Variants in ZMYND8 observed in about 807,000 individuals in gnomAD.
ZMYND8 encodes MYND-type zinc finger-containing chromatin reader ZMYND8.
Under a neutral mutation model 140.8 loss-of-function variants are expected in ZMYND8, and 37 were observed. That is an observed-to-expected ratio of 0.26 (90% confidence interval 0.20 to 0.35). The LOEUF (loss-of-function observed/expected upper bound fraction) is 0.35, where lower values mean the gene tolerates loss of function less well. ZMYND8 is among the 10% of genes least tolerant of loss of function. The pLI is 1.00. For missense variants in ZMYND8, 1,068 were observed against 1,570.0 expected (o/e 0.68, Z 5.40); for synonymous variants, 592 against 597.1 (o/e 0.99, Z 0.12).
At chr20:47,212,918 C>A (rs780008062) in intron 21 of ZMYND8, among the ~76,000 whole-genome samples, 193 bp from the exon 22 acceptor site, 2 of 152,100 alleles carry the variant, frequency 1.3e-5, no homozygotes, top group Non-Finnish European at 2.9e-5. Context: ...CATATCAAAC[C>A]ACAAACAGCA....
chr20:47,218,673 C>T (rs756869631), intron 21 of ZMYND8, among the ~76,000 whole-genome samples: 1 of 152,252 alleles, frequency 6.6e-6, no homozygotes, highest in East Asian at 1.9e-4. Context: ...CATCTTAGCA[C>T]TAAACTGAGC....
rs548055571 is a variant in ZMYND8, at chr20:47,276,896, G to T, written c.999-101C>A. ...CAAATTAGCCAAGCATGTTTGCCAA[G>T]ATTCTTATTCTATTAAAAAAAAAAA... On this transcript the variant is annotated intron_variant, in intron 10 of 22. Transcript: ENST00000471951. The T allele has an allele frequency of 1.5e-3, 1,037 of 689,154 alleles. 4 individuals carry two copies. The South Asian group carries it at 0.015, about 10-fold the overall frequency. 42.7% of individuals were successfully genotyped at this position (689,154 alleles called of 1,614,324 possible). A position where few individuals can be genotyped will look rare whatever the true frequency, so the allele number is the denominator to read the frequency against.
chr20:47,251,583 C>CA (rs570727691), intron 12 of ZMYND8, among the ~76,000 whole-genome samples: 125 of 131,764 alleles, frequency 9.5e-4, no homozygotes, highest in East Asian at 3.2e-3. Flanking sequence ...ATCCTGTCTC[C>CA]AAAAAAAAAA....
rs2147988510 is a variant in ZMYND8 at position 47,292,670 on chromosome 20, C to A, written c.568-782G>T. On this transcript the variant is annotated intron_variant, in intron 5 of 22. Transcript: ENST00000471951. ...CAAGAATCTACATTTCTGTACAGTA[C>A]TCTCAGGAGTTGTACAAAGGGTCAC... Among the ~76,000 whole-genome samples, 4 of 152,108 alleles carry A rather than the reference C, an allele frequency of 2.6e-5. No individual in the cohort carries two copies. In the South Asian group the frequency reaches 8.3e-4, roughly 32 times the overall value.
chr20:47,241,617 G>A (rs2039980641), intron 14 of ZMYND8, among the ~76,000 whole-genome samples: 4 of 152,032 alleles, frequency 2.6e-5, no homozygotes, highest in Admixed American at 6.6e-5. Context: ...TAGAGGCGAT[G>A]ACCACACGGG....
chr20:47,246,630 A>G (rs1429415450), intron 13 of ZMYND8, 113 bp from the exon 14 acceptor site: 1 of 1,411,984 alleles, frequency 7.1e-7, no homozygotes, highest in East Asian at 2.4e-5. Flanking sequence ...CACGTTTCAA[A>G]TCGCATCACA....
chr20:47,342,741 T>C (rs1200873878), intron 2 of ZMYND8, among the ~76,000 whole-genome samples: 1 of 148,754 alleles, frequency 6.7e-6, no homozygotes. Context: ...CCAGCTACTA[T>C]GGAGGCTGGA....
intron 21 of ZMYND8, among the ~76,000 whole-genome samples, chr20:47,214,345 C>T (rs1031894765): frequency 1.3e-5 from 2 of 152,216 alleles, no homozygotes; most frequent in African/African-American, 4.8e-5. Flanking sequence ...TCTGCGGCCT[C>T]CCTGCAGCTT....
intron 12 of ZMYND8, among the ~76,000 whole-genome samples, chr20:47,261,592 C>T (rs12185781): frequency 0.01 from 847 of 82,114 alleles, 12 homozygotes; most frequent in African/African-American, 0.029. Context: ...TCATCATCAT[C>T]ATCCAGGGAA....
chr20:47,216,164 G>A (rs140757870), intron 21 of ZMYND8, among the ~76,000 whole-genome samples: 71 of 152,196 alleles, frequency 4.7e-4, no homozygotes, highest in African/African-American at 1.5e-3. Flanking sequence ...CATCATGGAC[G>A]ATGGAATCCT....
chr20:47,221,399 G>C lies in ZMYND8; in HGVS notation c.3332C>G (p.Ser1111Trp). The change falls in exon 20 of 23, where the codon TCG becomes TGG. Residue 1111 changes from serine (S) to tryptophan (W), a missense_variant. By Grantham distance (177) the Ser-to-Trp change is radical (BLOSUM62 -3). Around this residue, in one of 10 missense-constraint regions of ZMYND8, gnomAD observed 180 missense variants for 187.8 expected, o/e 0.96. Coordinates refer to ENST00000471951, the MANE Select transcript of ZMYND8 (RefSeq NM_001281775.3). ...TTCTGAAGGTGCTGATTGTGTGCTC[G>C]AGGAGCTCCCCTGGGAGGACTTATT... The part of the protein sequence containing the change: ...TLNKSSQGSS[S>W]STQSAPSETA... 1 of 1,614,158 alleles carries C rather than the reference G, an allele frequency of 6.2e-7. No homozygotes were observed. Among genetic ancestry groups the C allele is most frequent in the Non-Finnish European group, 8.5e-7 (1 of 1,180,034 alleles).
rs992931671 is a variant in ZMYND8, at chr20:47,221,427, G to C, written c.3304C>G (p.Leu1102Val). The change falls in exon 20 of 23, where the codon CTA becomes GTA. Residue 1102 changes from leucine to valine, a missense_variant. This residue lies in a region of ZMYND8 where 180 missense variants were observed against 187.8 expected (regional missense o/e 0.96). Transcript: ENST00000471951. The stretch of plus-strand genomic sequence containing the variant: ...GAGCTCCCCTGGGAGGACTTATTTA[G>C]TGTTTCTGTGTTCACCTCAGCATCC... ...EADAEVNTET[L>V]NKSSQGSSSS... 3.1e-6 allele frequency: 5 copies of C among 1,614,088 alleles called. No homozygotes were observed. Among genetic ancestry groups the C allele is most frequent in the Non-Finnish European group, 4.2e-6 (5 of 1,180,050 alleles).
chr20:47,248,584 C>T (rs1214517034), intron 13 of ZMYND8, among the ~76,000 whole-genome samples: 1 of 152,246 alleles, frequency 6.6e-6, no homozygotes, highest in East Asian at 1.9e-4. Context: ...GAGCATCTAC[C>T]ATGTGCACAG....
chr20:47,354,930 A>G (rs2083095750), intron 1 of ZMYND8, among the ~76,000 whole-genome samples: 2 of 152,168 alleles, frequency 1.3e-5, no homozygotes, highest in African/African-American at 4.8e-5. Context: ...AAAAAGGCCA[A>G]AATGTGTTGG....
At chr20:47,230,806 A>G (rs558466144) in intron 16 of ZMYND8, among the ~76,000 whole-genome samples, 34 of 152,094 alleles carry the variant, frequency 2.2e-4, no homozygotes, top group African/African-American at 8.0e-4. Flanking sequence ...CCAAAAAGAA[A>G]ATCCCACTCC....
chr20:47,310,140 A>G lies in ZMYND8; in HGVS notation c.150T>C (p.Asn50=), dbSNP rs568968255. 2 of 1,613,736 alleles carry G rather than the reference A, an allele frequency of 1.2e-6. No individual in the cohort carries two copies. The highest frequency in any genetic ancestry group is 3.3e-5 in the Admixed American group (2 of 59,924). The part of the protein sequence containing the change: ...RKFPSPPHSS[N]GHSPQDTSTS... ...TTGATGTGTCCTGCGGCGAGTGGCC[A>G]TTGGAAGAATGTGGAGGGCTGGGGA... Residue 50 remains asparagine, a synonymous_variant, in exon 3 of 23, where the codon AAT becomes AAC. Transcript: ENST00000471951.
chr20:47,283,529 C>A, intron 9 of ZMYND8, 42 bp downstream of exon 9: 2 of 1,608,124 alleles, frequency 1.2e-6, no homozygotes, highest in Non-Finnish European at 1.7e-6. Context: ...ATCCAAGGCA[C>A]AGGGTTCAGT....
chr20:47,352,651 G>GT (rs1289840524), intron 1 of ZMYND8: 1 of 612,134 alleles, frequency 1.6e-6, no homozygotes, highest in African/African-American at 2.0e-5. Context: ...GAGTTTCAAG[G>GT]TGACTGCTTT....
At chr20:47,313,361 G>A (rs963789363) in intron 2 of ZMYND8, among the ~76,000 whole-genome samples, 4 of 151,622 alleles carry the variant, frequency 2.6e-5, no homozygotes, top group East Asian at 1.9e-4. Flanking sequence ...AGTGGCTCAC[G>A]CCTGTAATCC....
Sources: allele counts gnomAD v4.1 joint callset (sites outside exome capture counted in the v4.1 genomes callset), GRCh38; gene constraint gnomAD v4.1.1; regional missense constraint gnomAD v4.1.1; transcripts MANE v1.5; gene names NCBI Gene and HGNC (gene_info 2026-07-23, HGNC 2026-07-21).